Variants in RP1 observed in about 807,000 individuals in gnomAD.
The protein encoded by RP1 is RP1 axonemal microtubule associated, also known as oxygen-regulated protein 1.
RP1 carries 16 observed loss-of-function variants against 14.8 expected under a neutral mutation model. The ratio of observed to expected loss-of-function variants is 1.08; its 90% confidence interval spans 0.73 to 1.65. The LOEUF (loss-of-function observed/expected upper bound fraction) is 1.65. Ranked by LOEUF, RP1 falls within the 40% of genes most tolerant of loss-of-function variation. RP1 has a pLI of 0.00. For missense variants in RP1, 2,631 were observed against 2,535.0 expected, an observed-to-expected ratio of 1.04 and a Z score of -0.81; for synonymous variants, 876 against 883.6, an observed-to-expected ratio of 0.99 and a Z score of 0.15.
rs552178472 is a variant in RP1, at chr8:54,627,582, T to C, written c.3700T>C (p.Ser1234Pro). Residue 1234 changes from serine (S) to proline (P), a missense_variant, in exon 4 of 4, where the codon TCT becomes CCT. Ser to Pro is a moderately conservative substitution (Grantham distance 74). Transcript: ENST00000220676. ...SENERTQGIS[S>P]LDGGCSASEA... Reference sequence around the variant, plus strand: ...AAATGAAAGAACACAAGGAATCTCCTCTTTGGATGGAGGTTGCTCTGCCAG... The same window carrying C: ...AAATGAAAGAACACAAGGAATCTCCCCTTTGGATGGAGGTTGCTCTGCCAG... 6.2e-7 allele frequency: 1 copy of C among 1,614,178 alleles called. No homozygotes were observed. The highest frequency in any genetic ancestry group is 1.1e-5 in the South Asian group (1 of 91,084).
chr8:54,792,350 G>A (rs72650366), intron 24 of RP1, among the ~76,000 whole-genome samples: 10,752 of 151,914 alleles, frequency 0.071, 541 homozygotes, highest in Non-Finnish European at 0.11. Flanking sequence ...GAACAATACT[G>A]TAAACCCAGT....
At chr8:54,678,561 A>G (rs1035521844) in intron 9 of RP1, 1 of 1,520,396 alleles carries the variant, frequency 6.6e-7, no homozygotes, top group East Asian at 2.5e-5. Flanking sequence ...TTTTACATCG[A>G]AAAAATCCAT....
rs761594721 is a variant in RP1 at position 54,663,569 on chromosome 8, G to A, written c.1172-130G>A. 4.2e-4 allele frequency: 331 copies of A among 784,198 alleles called. 1 individual carries two copies. Among genetic ancestry groups the A allele is most frequent in the Non-Finnish European group, 4.8e-4 (259 of 542,528 alleles). The allele number at this position is 784,198 out of a possible 1,614,324, so 48.6% of individuals were successfully genotyped here. ...CATAGTATATATAGAATTTTTTACT[G>A]CCTGTGGTTTCTGGCATCCACTGGG... On this transcript the variant is annotated intron_variant, in intron 6 of 22. Transcript: ENST00000636932.
chr8:54,621,220 C>A lies in RP1; in HGVS notation c.254C>A (p.Thr85Asn). Residue 85 changes from threonine to asparagine, a missense_variant, in exon 2 of 4, where the codon ACC becomes AAC. Coordinates refer to ENST00000220676, the MANE Select transcript of RP1 (RefSeq NM_006269.2). ...PLPFGVRNIS[T>N]PRGRHSITRL... is the part of the protein sequence containing the mutation. ...CCTTTTGGAGTGAGGAACATCAGCA[C>A]CCCTCGGGGCAGGCACAGCATCACG... The A allele has an allele frequency of 6.2e-7, 1 of 1,614,160 alleles. No homozygotes were observed. The highest frequency in any genetic ancestry group is 8.5e-7 in the Non-Finnish European group (1 of 1,180,024).
chr8:54,786,255 A>G (rs926511397), intron 24 of RP1, among the ~76,000 whole-genome samples: 8 of 151,994 alleles, frequency 5.3e-5, no homozygotes, highest in African/African-American at 1.2e-4. Context: ...CTTGGTTGAC[A>G]GTTTTTTTCT....
At chr8:54,766,252 A>G (rs552807917) in intron 22 of RP1, among the ~76,000 whole-genome samples, 1 of 152,264 alleles carries the variant, frequency 6.6e-6, no homozygotes, top group East Asian at 1.9e-4. Flanking sequence ...TAGATAAAAA[A>G]AGATGTTGAA....
intron 1 of RP1, among the ~76,000 whole-genome samples, chr8:54,602,451 G>A (rs1444544163): frequency 6.6e-6 from 1 of 152,172 alleles, no homozygotes; most frequent in Non-Finnish European, 1.5e-5. Flanking sequence ...GGACATTTGG[G>A]TTGGTTCCAG....
intron 25 of RP1, among the ~76,000 whole-genome samples, chr8:54,850,439 G>A (rs1254808516): frequency 1.3e-5 from 2 of 152,102 alleles, no homozygotes; most frequent in Non-Finnish European, 1.5e-5. Flanking sequence ...CTTCCCTTGA[G>A]GTCAGATAAT....
intron 1 of RP1, among the ~76,000 whole-genome samples, chr8:54,604,016 G>A (rs1203386877): frequency 6.6e-6 from 1 of 152,054 alleles, no homozygotes; most frequent in African/African-American, 2.4e-5. Context: ...TTTCCTACTT[G>A]AACACCCTTT....
chr8:54,567,534 A>C (rs1804435325), intron 1 of RP1, among the ~76,000 whole-genome samples: 1 of 152,156 alleles, frequency 6.6e-6, no homozygotes, highest in African/African-American at 2.4e-5. Flanking sequence ...AGAAGAAAAA[A>C]ATACTACTAC....
chr8:54,767,047 A>C (rs1809777474), intron 22 of RP1, among the ~76,000 whole-genome samples: 1 of 152,190 alleles, frequency 6.6e-6, no homozygotes, highest in Non-Finnish European at 1.5e-5. Flanking sequence ...GTTTTATGGC[A>C]CATCTGAGAA....
intron 1 of RP1, among the ~76,000 whole-genome samples, chr8:54,599,443 T>C (rs930475787): frequency 2.0e-5 from 3 of 148,034 alleles, no homozygotes; most frequent in African/African-American, 7.4e-5. Context: ...GTTGATGTTG[T>C]CATTTGTTGA....
intron 17 of RP1, among the ~76,000 whole-genome samples, chr8:54,734,119 T>A (rs890622394): frequency 4.6e-5 from 7 of 152,202 alleles, no homozygotes; most frequent in Non-Finnish European, 8.8e-5. Context: ...GCCCTCAATT[T>A]GCCACTTACC....
chr8:54,770,022 T>C, downstream of RP1: 1 of 485,648 alleles, frequency 2.1e-6, no homozygotes, highest in Non-Finnish European at 3.6e-6. Flanking sequence ...AACTTAAGGA[T>C]TTGCCTCTGT....
intron 14 of RP1, among the ~76,000 whole-genome samples, chr8:54,702,129 C>T (rs1194365753): frequency 6.6e-6 from 1 of 151,680 alleles, no homozygotes; most frequent in African/African-American, 2.4e-5. Flanking sequence ...CATTTTATTC[C>T]AGGCATTTAT....
intron 1 of RP1, among the ~76,000 whole-genome samples, chr8:54,597,724 C>T (rs1227873130): frequency 6.6e-6 from 1 of 152,090 alleles, no homozygotes; most frequent in African/African-American, 2.4e-5. Context: ...GCTAAATAAA[C>T]AATGCCAGAC....
chr8:54,718,208 C>G (rs775812420), intron 15 of RP1, among the ~76,000 whole-genome samples: 19 of 152,084 alleles, frequency 1.2e-4, no homozygotes. Flanking sequence ...TTGTGGCTAT[C>G]TATAAGCTGG....
chr8:54,619,151 T>C (rs986600128), intron 1 of RP1, among the ~76,000 whole-genome samples: 4 of 152,190 alleles, frequency 2.6e-5, no homozygotes, highest in Non-Finnish European at 5.9e-5. Context: ...CAGCTGCTAT[T>C]TTTTTGGCTT....
chr8:54,687,063 A>C (rs921492473), intron 12 of RP1, among the ~76,000 whole-genome samples: 5 of 152,132 alleles, frequency 3.3e-5, no homozygotes, highest in Non-Finnish European at 5.9e-5. Flanking sequence ...AGACTATAAC[A>C]CATGGAAAAG....
Sources: allele counts gnomAD v4.1 joint callset (sites outside exome capture counted in the v4.1 genomes callset), GRCh38; gene constraint gnomAD v4.1.1; transcripts MANE v1.5; gene names NCBI Gene and HGNC (gene_info 2026-07-23, HGNC 2026-07-21).